The following OTUD3 variants were observed in gnomAD, a reference collection of about 807,000 sequenced individuals.
The protein encoded by OTUD3 is OTU deubiquitinase 3, also known as OTU domain-containing protein 3.
A neutral mutation model predicts 46.2 loss-of-function variants in OTUD3; 24 were observed. That is an observed-to-expected ratio of 0.52 (90% confidence interval 0.38 to 0.73). The LOEUF (loss-of-function observed/expected upper bound fraction) is 0.73. Among genes scored for constraint, OTUD3 ranks in the 30% least tolerant of loss-of-function variants. The pLI is 0.00. For synonymous variants in OTUD3, 189 were observed against 195.4 expected (o/e 0.97, Z 0.27); for missense variants, 455 against 523.3 (o/e 0.87, Z 1.27).
rs539764886 is a variant in OTUD3 at position 19,886,067 on chromosome 1, G to C, written c.221+3333G>C. On this transcript the variant is annotated intron_variant, in intron 1 of 7. Transcript: ENST00000375120. ...GGGTTTTGTAATGCTTCCTGGACCA[G>C]CTTCATATTTCACGTGTTGTCTGGA... Among the ~76,000 whole-genome samples, 7 of 152,322 alleles carry C rather than the reference G, an allele frequency of 4.6e-5. No homozygotes were observed. The South Asian group carries it at 1.4e-3, about 32-fold the overall frequency.
rs191701178 is a variant in OTUD3, at chr1:19,906,461, C to T, written c.865C>T (p.Arg289Ter). ...NAEENLEPSG[R>*]VLKQCGPLWE... ...AGAAGAGAATCTTGAGCCCAGTGGTCGAGTGCTGAAGCAGTGTGGCCCTTT... is the reference window on the plus strand; with the variant it reads ...AGAAGAGAATCTTGAGCCCAGTGGTTGAGTGCTGAAGCAGTGTGGCCCTTT... The change falls in exon 7 of 8, where the codon CGA becomes TGA. Residue 289 changes from arginine to a stop codon, truncating the protein, a stop_gained. Coordinates refer to ENST00000375120, the MANE Select transcript of OTUD3 (RefSeq NM_015207.2). LOFTEE classifies it high-confidence loss of function. The T allele has an allele frequency of 4.6e-5, 75 of 1,613,868 alleles. No individual in the cohort carries two copies. The Admixed American group carries it at 7.2e-4, about 15-fold the overall frequency.
At chr1:19,893,071 TC>T (rs1447313756) in intron 2 of OTUD3, among the ~76,000 whole-genome samples, 1 of 152,202 alleles carries the variant, frequency 6.6e-6, no homozygotes, top group Non-Finnish European at 1.5e-5. Flanking sequence ...TCTTAACTCT[TC>T]CTTGTCCTTT....
chr1:19,897,463 A>G, intron 3 of OTUD3, 77 bp from the exon 4 acceptor site: 2 of 1,505,410 alleles, frequency 1.3e-6, no homozygotes, highest in South Asian at 2.4e-5. Flanking sequence ...CTTCCTCAGC[A>G]GTCCAGGTGG....
rs1186453749 is a variant in OTUD3, at chr1:19,883,172, G to C, written c.221+438G>C. On this transcript the variant is annotated intron_variant, in intron 1 of 7. Coordinates refer to ENST00000375120, the MANE Select transcript of OTUD3 (RefSeq NM_015207.2). ...CTTGGTAGAACGCTTTGCCTCCTTTGAGTCCTTGGTTTTTGGGTGGTGCCC... is the reference window on the plus strand; with the variant it reads ...CTTGGTAGAACGCTTTGCCTCCTTTCAGTCCTTGGTTTTTGGGTGGTGCCC... Among the ~76,000 whole-genome samples the C allele has an allele frequency of 2.0e-5, 3 of 152,334 alleles. No homozygotes were observed. The East Asian group carries it at 5.8e-4, about 29-fold the overall frequency.
Position 19,888,834 on chromosome 1 carries a change from C to G in OTUD3, c.222-1551C>G, listed in dbSNP as rs191230422. Among the ~76,000 whole-genome samples, 79 of 152,306 alleles carry G rather than the reference C, an allele frequency of 5.2e-4. No homozygotes were observed. In the East Asian group the frequency reaches 8.7e-3, roughly 17 times the overall value. On this transcript the variant is annotated intron_variant, in intron 1 of 7. Coordinates refer to ENST00000375120, the MANE Select transcript of OTUD3 (RefSeq NM_015207.2). ...CATACGTTTGTGTGTGTTTCTGTGT[C>G]TGTGTATGTGTATAGTGTACAGATG...
intron 1 of OTUD3, among the ~76,000 whole-genome samples, chr1:19,885,704 T>G (rs2045349162): frequency 6.6e-6 from 1 of 152,226 alleles, no homozygotes; most frequent in South Asian, 2.1e-4. Context: ...TCCATCCGCC[T>G]TGGCCTCCCA....
rs913928201 is a variant in OTUD3 at position 19,882,467 on chromosome 1, G to T, written c.-47G>T. 4.4e-5 allele frequency: 59 copies of T among 1,330,496 alleles called. No individual in the cohort carries two copies. Among genetic ancestry groups the T allele is most frequent in the Non-Finnish European group, 5.0e-5 (52 of 1,045,616 alleles). The allele number at this position is 1,330,496 out of a possible 1,614,324, so 82.4% of individuals were successfully genotyped here. On this transcript the variant is annotated 5_prime_UTR_variant, in exon 1 of 8. Coordinates refer to ENST00000375120, the MANE Select transcript of OTUD3 (RefSeq NM_015207.2). ...CCAACGCTTGAGGCGGACGCTGGGG[G>T]GTCCTGCGCCTTTCCCTCCTGCCGC... is the stretch of plus-strand genomic sequence containing the variant.
At chr1:19,896,271 A>T (rs533079289) in intron 3 of OTUD3, among the ~76,000 whole-genome samples, 2 of 152,178 alleles carry the variant, frequency 1.3e-5, no homozygotes, top group South Asian at 4.1e-4. Context: ...AACAATCTAG[A>T]TGTATGTAAC....
intron 4 of OTUD3, among the ~76,000 whole-genome samples, chr1:19,901,544 A>G (rs1410850248): frequency 6.6e-6 from 1 of 151,672 alleles, no homozygotes; most frequent in Non-Finnish European, 1.5e-5. Flanking sequence ...CATAAAATTA[A>G]TCATTTAAAA....
At chr1:19,903,040 C>CTTTTT (rs36114504) in intron 4 of OTUD3, among the ~76,000 whole-genome samples, 6 of 58,056 alleles carry the variant, frequency 1.0e-4, no homozygotes, top group Non-Finnish European at 1.2e-4. Flanking sequence ...AATCTTTTCT[C>CTTTTT]TTTTTTTTTT....
At chr1:19,900,324 G>A (rs1283172552) in intron 4 of OTUD3, among the ~76,000 whole-genome samples, 1 of 151,950 alleles carries the variant, frequency 6.6e-6, no homozygotes, top group Non-Finnish European at 1.5e-5. Context: ...CTGAGTAGCT[G>A]GGACCACAGC....
intron 1 of OTUD3, among the ~76,000 whole-genome samples, chr1:19,886,064 C>A (rs1477014512): frequency 1.3e-5 from 2 of 152,130 alleles, no homozygotes; most frequent in African/African-American, 4.8e-5. Context: ...GCTTCCTGGA[C>A]CAGCTTCATA....
chr1:19,908,674 G>T lies in OTUD3; in HGVS notation c.*928G>T, dbSNP rs780804017. ...TGGAAGAATAAGGTTTTTCATGTTC[G>T]CATTTTAAATAACGATTTTCTTCCC... On this transcript the variant is annotated 3_prime_UTR_variant, in exon 8 of 8. Transcript: ENST00000375120. 1 of 152,326 alleles carries T rather than the reference G, an allele frequency of 6.6e-6. No homozygotes were observed. The highest frequency in any genetic ancestry group is 2.4e-5 in the African/African-American group (1 of 41,454). 9.4% of individuals were successfully genotyped at this position (152,326 alleles called of 1,614,324 possible).
chr1:19,906,241 T>C (rs2045659512), intron 6 of OTUD3, among the ~76,000 whole-genome samples, 191 bp from the exon 7 acceptor site: 1 of 152,238 alleles, frequency 6.6e-6, no homozygotes, highest in Admixed American at 6.5e-5. Flanking sequence ...TATTTTAGAA[T>C]TTATCTTCCA....
At chr1:19,886,081 G>T (rs754693481) in intron 1 of OTUD3, among the ~76,000 whole-genome samples, 2 of 152,186 alleles carry the variant, frequency 1.3e-5, no homozygotes, top group Non-Finnish European at 2.9e-5. Flanking sequence ...CATATTTCAC[G>T]TGTTGTCTGG....
At chr1:19,906,684 G>A in intron 7 of OTUD3, 68 bp downstream of exon 7, 1 of 1,308,818 alleles carries the variant, frequency 7.6e-7, no homozygotes, top group Non-Finnish European at 1.0e-6. Flanking sequence ...GTGGTAGCTT[G>A]AGATTAATTT....
At chr1:19,899,410 A>T (rs937673379) in intron 4 of OTUD3, among the ~76,000 whole-genome samples, 1 of 152,180 alleles carries the variant, frequency 6.6e-6, no homozygotes, top group African/African-American at 2.4e-5. Context: ...TAAATTTAAC[A>T]TGTCTTGGGA....
At chr1:19,901,478 C>T (rs1347110043) in intron 4 of OTUD3, among the ~76,000 whole-genome samples, 1 of 152,172 alleles carries the variant, frequency 6.6e-6, no homozygotes, top group Non-Finnish European at 1.5e-5. Context: ...ATGTTAATTA[C>T]ATAGGTATCC....
chr1:19,906,986 G>C (rs758063299), intron 7 of OTUD3: 2 of 172,062 alleles, frequency 1.2e-5, no homozygotes, highest in Non-Finnish European at 2.5e-5. Context: ...TTATTTTCTT[G>C]AATAAAGTCC....
Sources: allele counts gnomAD v4.1 joint callset (sites outside exome capture counted in the v4.1 genomes callset), GRCh38; gene constraint gnomAD v4.1.1; transcripts MANE v1.5; gene names NCBI Gene and HGNC (gene_info 2026-07-23, HGNC 2026-07-21).